The following EED variants were observed in gnomAD, a reference collection of about 807,000 sequenced individuals.
The protein encoded by EED is embryonic ectoderm development, also known as polycomb protein EED.
A neutral mutation model predicts 61.0 loss-of-function variants in EED; 9 were observed. The observed-to-expected ratio is 0.15, with a 90% CI of 0.09 to 0.26. The LOEUF (loss-of-function observed/expected upper bound fraction) is 0.26. Ranked by LOEUF, EED falls within the 10% of genes least tolerant of loss-of-function variation. EED has a pLI of 1.00. For synonymous variants in EED, 187 were observed against 174.4 expected, an observed-to-expected ratio of 1.07 and a Z score of -0.57; for missense variants, 315 against 542.3, an observed-to-expected ratio of 0.58 and a Z score of 4.16.
chr11:86,278,522 A>G lies in EED; in HGVS notation c.1323A>G (p.Arg441=). The G allele has an allele frequency of 6.2e-7, 1 of 1,613,020 alleles. No homozygotes were observed. The highest frequency in any genetic ancestry group is 8.5e-7 in the Non-Finnish European group (1 of 1,179,518). The change falls in exon 12 of 12, where the codon CGA becomes CGG. Residue 441 remains arginine, a synonymous_variant. Transcript: ENST00000263360. The stretch of plus-strand genomic sequence containing the variant: ...GTATTTGGCGCTGGGATCGACTTCG[A>G]TAAAATACTTTTGCCTAATCAAAAT... ...DASIWRWDRL[R]
chr11:86,278,023 C>T (rs557316858), intron 11 of EED, 32 bp downstream of exon 11: 124 of 1,484,424 alleles, frequency 8.4e-5, no homozygotes, highest in Admixed American at 2.3e-4. Flanking sequence ...TTCAAAATTT[C>T]AGGCTTTTTC....
At chr11:86,247,275 C>T (rs1217997633) in intron 1 of EED, among the ~76,000 whole-genome samples, 1 of 152,114 alleles carries the variant, frequency 6.6e-6, no homozygotes, top group Non-Finnish European at 1.5e-5. Context: ...CCTTGGAAGC[C>T]TTAATCTTGT....
chr11:86,266,061 A>C, intron 7 of EED, 22 bp from the exon 8 acceptor site: 2 of 1,561,536 alleles, frequency 1.3e-6, no homozygotes, highest in South Asian at 2.4e-5. Context: ...ATTTATATAA[A>C]ACTTTTTGGT....
rs905343356 is a variant in EED at position 86,260,745 on chromosome 11, C to T, written c.634+3149C>T. ...TGGGATAAAATTGCTTATGTCAAAT[C>T]TGTATTTTATTTCAAAAGTATATTT... On this transcript the variant is annotated intron_variant, in intron 6 of 11. Transcript: ENST00000263360. Among the ~76,000 whole-genome samples the T allele has an allele frequency of 3.3e-5, 5 of 152,032 alleles. No individual in the cohort carries two copies. The East Asian group carries it at 9.6e-4, about 29-fold the overall frequency.
downstream of EED, among the ~76,000 whole-genome samples, chr11:86,283,294 GACC>G (rs1280170810): frequency 6.6e-6 from 1 of 152,010 alleles, no homozygotes; most frequent in Admixed American, 6.5e-5. Context: ...AATAAAAATA[GACC>G]ACCAAAGACT....
At chr11:86,245,519 A>G (rs190123256) in intron 1 of EED, among the ~76,000 whole-genome samples, 176 bp downstream of exon 1, 3 of 151,872 alleles carry the variant, frequency 2.0e-5, no homozygotes, top group Non-Finnish European at 1.5e-5. Context: ...TGTGGGGCCG[A>G]GAGCAAGCAG....
At chr11:86,268,594 C>CGTGCGTGT in intron 9 of EED, 33 bp downstream of exon 9, 1 of 819,598 alleles carries the variant, frequency 1.2e-6, no homozygotes, top group Non-Finnish European at 1.9e-6. Flanking sequence ...GTACTTCCAT[C>CGTGCGTGT]GTGTGTGTGT....
At chr11:86,272,661 A>G (rs78851816) in intron 9 of EED, among the ~76,000 whole-genome samples, 7,363 of 152,222 alleles carry the variant, frequency 0.048, 236 homozygotes, top group Middle Eastern at 0.11. Context: ...TTGCAGTTCT[A>G]TTGTTCATGC....
chr11:86,266,308 A>G lies in EED; in HGVS notation c.860+92A>G, dbSNP rs770256429. 2.6e-5 allele frequency: 30 copies of G among 1,170,490 alleles called. No individual in the cohort carries two copies. In the East Asian group the frequency reaches 3.6e-4, roughly 14 times the overall value. The allele number at this position is 1,170,490 out of a possible 1,614,324, so 72.5% of individuals were successfully genotyped here. On this transcript the variant is annotated intron_variant, in intron 8 of 11. Transcript: ENST00000263360. ...CAAAATTGCTATATAAGCCCCAACA[A>G]TGAGTTTAGAAGACCTTCTTTTAAC...
intron 2 of EED, among the ~76,000 whole-genome samples, chr11:86,251,249 A>T (rs1945523415): frequency 6.6e-6 from 1 of 152,200 alleles, no homozygotes; most frequent in Non-Finnish European, 1.5e-5. Context: ...TCAGTGTGTC[A>T]GATTTTGCTC....
intron 9 of EED, 101 bp downstream of exon 9, chr11:86,268,662 C>G: frequency 1.5e-6 from 1 of 682,278 alleles, no homozygotes; most frequent in Non-Finnish European, 2.3e-6. Flanking sequence ...GCAGGGAGCA[C>G]TTTATGTAGT....
At chr11:86,278,121 T>G in intron 11 of EED, 130 bp downstream of exon 11, 4 of 1,369,690 alleles carry the variant, frequency 2.9e-6, no homozygotes, top group Non-Finnish European at 3.8e-6. Context: ...TTTTCAGAGT[T>G]AAAGTTATTC....
At position 86,255,908 on chromosome 11, in the gene EED, C is replaced by G. The variant is rs539179497; in HGVS notation, c.427-479C>G. Among the ~76,000 whole-genome samples the G allele has an allele frequency of 2.6e-5, 4 of 152,274 alleles. No individual in the cohort carries two copies. The South Asian group carries it at 8.3e-4, about 32-fold the overall frequency. ...GCAAACAAGACAAGGCAAGGACATT[C>G]AGTCTTCTCTAAAAGATATTGAAAT... On this transcript the variant is annotated intron_variant, in intron 4 of 11. Coordinates refer to ENST00000263360, the MANE Select transcript of EED (RefSeq NM_003797.5).
chr11:86,268,854 C>T (rs992761219), intron 9 of EED, among the ~76,000 whole-genome samples: 2 of 152,016 alleles, frequency 1.3e-5, no homozygotes, highest in African/African-American at 4.8e-5. Context: ...TACAAGATAA[C>T]CAGTAACTAA....
At chr11:86,251,998 CTTTTAA>C in intron 2 of EED, 144 bp from the exon 3 acceptor site, 1 of 478,778 alleles carries the variant, frequency 2.1e-6, no homozygotes, top group Non-Finnish European at 3.7e-6. Flanking sequence ...TAGTAGACAT[CTTTTAA>C]TTTTAGTGTC....
At chr11:86,257,088 A>G (rs1945695377) in intron 5 of EED, among the ~76,000 whole-genome samples, 3 of 149,968 alleles carry the variant, frequency 2.0e-5, no homozygotes, top group Admixed American at 2.0e-4. Flanking sequence ...CCCGGGCTGG[A>G]ATGTAGTAGC....
In EED at chr11:86,244,961, G is replaced by A; in HGVS notation, c.-269G>A. 1 of 407,228 alleles carries A rather than the reference G, an allele frequency of 2.5e-6. No individual in the cohort carries two copies. Among genetic ancestry groups the A allele is most frequent in the Non-Finnish European group, 4.4e-6 (1 of 227,132 alleles). 25.2% of individuals were successfully genotyped at this position (407,228 alleles called of 1,614,324 possible). ...CATCGTGTAGACTGCCGGGAGGGCGGCGGGAAAAGGGCAAGACGGGAGTTG... is the reference window on the plus strand; with the variant it reads ...CATCGTGTAGACTGCCGGGAGGGCGACGGGAAAAGGGCAAGACGGGAGTTG... On this transcript the variant is annotated 5_prime_UTR_variant, in exon 1 of 12. Coordinates refer to ENST00000263360, the MANE Select transcript of EED (RefSeq NM_003797.5).
chr11:86,252,133 A>T lies in EED; in HGVS notation c.268-15A>T, dbSNP rs1945548255. ...AGATACATTAATCTTTTCTTATTTC[A>T]TGATTATTTTATAGGAAGATCATAA... On this transcript the variant is annotated splice_polypyrimidine_tract_variant and intron_variant, in intron 2 of 11. Transcript: ENST00000263360. The T allele has an allele frequency of 6.3e-7, 1 of 1,598,836 alleles. No homozygotes were observed. Among genetic ancestry groups the T allele is most frequent in the Non-Finnish European group, 8.6e-7 (1 of 1,168,548 alleles).
At chr11:86,273,406 A>G (rs1946162309) in intron 9 of EED, among the ~76,000 whole-genome samples, 1 of 152,248 alleles carries the variant, frequency 6.6e-6, no homozygotes. Flanking sequence ...TGAGAACCAT[A>G]TCAGTTTTTT....
Sources: allele counts gnomAD v4.1 joint callset (sites outside exome capture counted in the v4.1 genomes callset), GRCh38; gene constraint gnomAD v4.1.1; transcripts MANE v1.5; gene names NCBI Gene and HGNC (gene_info 2026-07-23, HGNC 2026-07-21).